TACR3: variants seen among roughly 807,000 people sequenced by gnomAD.
The protein encoded by TACR3 is neuromedin-K receptor.
TACR3 carries 34 observed loss-of-function variants against 35.0 expected under a neutral mutation model. The ratio of observed to expected loss-of-function variants is 0.97; its 90% CI spans 0.74 to 1.30. The LOEUF is 1.30. TACR3 is among the 50% of genes most tolerant of loss of function. TACR3 has a pLI of 0.00. For synonymous variants in TACR3, 233 were observed against 221.1 expected, an observed-to-expected ratio of 1.05 and a Z score of -0.48; for missense variants, 558 against 591.7, an observed-to-expected ratio of 0.94 and a Z score of 0.59.
chr4:103,679,599 A>G (rs1726244189), intron 1 of TACR3, among the ~76,000 whole-genome samples: 1 of 151,954 alleles, frequency 6.6e-6, no homozygotes, highest in South Asian at 2.1e-4. Context: ...GCTGACTTTG[A>G]GGAAGCTGGG....
intron 3 of TACR3, among the ~76,000 whole-genome samples, chr4:103,600,109 A>G (rs1451019861): frequency 6.6e-6 from 1 of 152,006 alleles, no homozygotes; most frequent in Admixed American, 6.6e-5. Flanking sequence ...TTGGTAAGCT[A>G]TTGATTATTA....
chr4:103,700,335 C>A (rs919617865), intron 1 of TACR3, among the ~76,000 whole-genome samples: 10 of 152,140 alleles, frequency 6.6e-5, no homozygotes, highest in African/African-American at 2.4e-4. Flanking sequence ...GTGATATAAT[C>A]ATAGACATAC....
At chr4:103,613,328 G>T (rs1467136004) in intron 3 of TACR3, among the ~76,000 whole-genome samples, 2 of 152,158 alleles carry the variant, frequency 1.3e-5, no homozygotes, top group African/African-American at 4.8e-5. Context: ...AACCTCATAA[G>T]GTTGTGTGAA....
At chr4:103,702,254 A>G (rs572588569) in intron 1 of TACR3, among the ~76,000 whole-genome samples, 1 of 152,370 alleles carries the variant, frequency 6.6e-6, no homozygotes, top group East Asian at 1.9e-4. Context: ...ATGAACACAC[A>G]CTTTTCAAAA....
chr4:103,711,784 A>G (rs1722969048), intron 1 of TACR3, among the ~76,000 whole-genome samples: 1 of 152,214 alleles, frequency 6.6e-6, no homozygotes, highest in South Asian at 2.1e-4. Flanking sequence ...CTGATAAGCA[A>G]CTTCAGCAAA....
At chr4:103,617,319 C>G (rs913867603) in intron 3 of TACR3, among the ~76,000 whole-genome samples, 1 of 152,066 alleles carries the variant, frequency 6.6e-6, no homozygotes, top group Non-Finnish European at 1.5e-5. Context: ...AAGAGAGAAG[C>G]AAATGCAAAT....
chr4:103,607,092 A>G (rs1724392055), intron 3 of TACR3, among the ~76,000 whole-genome samples: 2 of 152,196 alleles, frequency 1.3e-5, no homozygotes, highest in South Asian at 4.1e-4. Context: ...ACGCAAATCA[A>G]TAAATGTAAT....
intron 1 of TACR3, among the ~76,000 whole-genome samples, chr4:103,670,491 C>A (rs757121769): frequency 3.3e-5 from 5 of 151,692 alleles, no homozygotes; most frequent in Non-Finnish European, 7.4e-5. Flanking sequence ...TTTTTGGTGT[C>A]CTCTTCAGTT....
intron 3 of TACR3, among the ~76,000 whole-genome samples, chr4:103,617,879 T>A (rs1724695816): frequency 6.6e-6 from 1 of 152,206 alleles, no homozygotes; most frequent in Admixed American, 6.5e-5. Flanking sequence ...AGTATCATTT[T>A]GAAAGAATAT....
chr4:103,601,235 G>T (rs1724193409), intron 3 of TACR3, among the ~76,000 whole-genome samples: 1 of 151,652 alleles, frequency 6.6e-6, no homozygotes, highest in Non-Finnish European at 1.5e-5. Context: ...TTTTCCATTT[G>T]CTTGGTAGAT....
intron 1 of TACR3, among the ~76,000 whole-genome samples, chr4:103,685,795 A>G (rs1722214599): frequency 6.6e-6 from 1 of 152,188 alleles, no homozygotes; most frequent in Non-Finnish European, 1.5e-5. Context: ...GTTAACAAGT[A>G]TTCATTAAGG....
At chr4:103,717,149 T>A (rs1373707737) in intron 1 of TACR3, among the ~76,000 whole-genome samples, 1 of 152,298 alleles carries the variant, frequency 6.6e-6, no homozygotes, top group Admixed American at 6.5e-5. Flanking sequence ...GGTAATCTAT[T>A]GAGAGTTTTA....
chr4:103,626,669 C>T (rs1578232155), intron 3 of TACR3, among the ~76,000 whole-genome samples: 1 of 152,048 alleles, frequency 6.6e-6, no homozygotes, highest in East Asian at 1.9e-4. Context: ...TCCTACAAAA[C>T]ATTGAAGTAG....
At chr4:103,689,722 A>T (rs1007854525) in intron 1 of TACR3, among the ~76,000 whole-genome samples, 2 of 152,100 alleles carry the variant, frequency 1.3e-5, no homozygotes, top group Non-Finnish European at 2.9e-5. Flanking sequence ...ATATACAAGC[A>T]TATGCATGAT....
rs1723856632 is a variant in TACR3 at position 103,589,911 on chromosome 4, G to C, written c.1169C>G (p.Thr390Ser). ...SSYDELELKT[T>S]RFHPNRQSSM... is the part of the protein sequence containing the mutation. ...GCTTTGCCGGTTTGGATGAAACCTG[G>C]TGGTCTTGAGCTCTAGCTCATCATA... Residue 390 changes from threonine to serine, a missense_variant, in exon 5 of 5, where the codon ACC (threonine) becomes AGC (serine). Physicochemically the swap from Thr to Ser is moderately conservative, Grantham distance 58. Transcript: ENST00000304883. The C allele has an allele frequency of 6.2e-7, 1 of 1,613,880 alleles. No homozygotes were observed. The highest frequency in any genetic ancestry group is 1.7e-5 in the Admixed American group (1 of 59,976).
intron 1 of TACR3, among the ~76,000 whole-genome samples, chr4:103,676,348 C>T (rs1024884497): frequency 2.8e-4 from 43 of 152,100 alleles, no homozygotes; most frequent in African/African-American, 8.7e-4. Flanking sequence ...ACTATCATAA[C>T]GTTAAAATTA....
At position 103,587,479 on chromosome 4, in the gene TACR3, G is replaced by C. The variant is rs989835127; in HGVS notation, c.*2203C>G. 4 of 152,140 alleles carry C rather than the reference G, an allele frequency of 2.6e-5. No individual in the cohort carries two copies. Among genetic ancestry groups the C allele is most frequent in the African/African-American group, 9.6e-5 (4 of 41,548 alleles). The allele number at this position is 152,140 out of a possible 1,614,324, so 9.4% of individuals were successfully genotyped here. On this transcript the variant is annotated 3_prime_UTR_variant, in exon 5 of 5. Transcript: ENST00000304883. ...GCCAAAGCAAACCAACAATCCAACT[G>C]ACGAGGCCAGTATTTTTCCTTAGAA...
chr4:103,715,426 A>G (rs1723067254), intron 1 of TACR3, among the ~76,000 whole-genome samples: 1 of 152,038 alleles, frequency 6.6e-6, no homozygotes, highest in Non-Finnish European at 1.5e-5. Context: ...GTCTTCTGTC[A>G]TGATTGTAAG....
intron 1 of TACR3, among the ~76,000 whole-genome samples, chr4:103,689,114 A>G (rs984954080): frequency 1.1e-4 from 16 of 151,696 alleles, no homozygotes; most frequent in African/African-American, 3.9e-4. Flanking sequence ...CATGGATGAA[A>G]TTGGAAATCA....
Sources: allele counts gnomAD v4.1 joint callset (sites outside exome capture counted in the v4.1 genomes callset), GRCh38; gene constraint gnomAD v4.1.1; transcripts MANE v1.5; gene names NCBI Gene and HGNC (gene_info 2026-07-23, HGNC 2026-07-21).